Variants in GCNT2 observed in about 807,000 individuals in gnomAD.
GCNT2 encodes glucosaminyl (N-acetyl) transferase 2 (I blood group).
Under a neutral mutation model 34.2 loss-of-function variants are expected in GCNT2, and 34 were observed. That is an observed-to-expected ratio of 1.00 (90% CI 0.76 to 1.32). The LOEUF (loss-of-function observed/expected upper bound fraction) is 1.32, where lower values mean the gene tolerates loss of function less well. Among genes scored for constraint, GCNT2 ranks in the 40% most tolerant of loss-of-function variants. GCNT2 has a pLI of 0.00. For synonymous variants in GCNT2, 212 were observed against 188.0 expected, an observed-to-expected ratio of 1.13 and a Z score of -1.04; for missense variants, 584 against 489.4, an observed-to-expected ratio of 1.19 and a Z score of -1.82.
chr6:10,578,692 T>C (rs144940733), intron 3 of GCNT2, among the ~76,000 whole-genome samples: 1,540 of 152,200 alleles, frequency 0.01, 23 homozygotes, highest in African/African-American at 0.034. Flanking sequence ...GTGATCCGCC[T>C]GCCTTGGCCT....
At chr6:10,571,635 G>T (rs1763560335) in intron 3 of GCNT2, among the ~76,000 whole-genome samples, 1 of 152,164 alleles carries the variant, frequency 6.6e-6, no homozygotes, top group African/African-American at 2.4e-5. Context: ...TTACAGGTGT[G>T]TGCCACCGCA....
intron 3 of GCNT2, among the ~76,000 whole-genome samples, chr6:10,567,600 T>C (rs1763344045): frequency 6.6e-6 from 1 of 152,216 alleles, no homozygotes. Flanking sequence ...GTGTAAGATG[T>C]ATAGCTACTG....
At chr6:10,556,189 C>A in intron 3 of GCNT2, 1 of 1,394,872 alleles carries the variant, frequency 7.2e-7, no homozygotes. Context: ...AGCAACCTGC[C>A]ACGGGGATTT....
intron 3 of GCNT2, among the ~76,000 whole-genome samples, chr6:10,597,634 C>CT (rs1186414108): frequency 1.3e-5 from 2 of 149,790 alleles, no homozygotes; most frequent in Admixed American, 1.3e-4. Context: ...TGTTGTTTTG[C>CT]TTTTTTTGTT....
chr6:10,590,397 CAA>C lies in GCNT2; in HGVS notation c.926-30939_926-30938del, dbSNP rs35949177. Among the ~76,000 whole-genome samples, 1,010 of 112,874 alleles carry C rather than the reference CAA, an allele frequency of 8.9e-3. 8 individuals carry two copies. Among genetic ancestry groups the C allele is most frequent in the African/African-American group, 0.03 (943 of 31,534 alleles). 74.0% of individuals were successfully genotyped at this position (112,874 alleles called of 152,430 possible). On this transcript the variant is annotated intron_variant, in intron 3 of 4. Transcript: ENST00000495262. ...TGGGTGACAGAGTGAGACTCTGTCTCAAAAAAAAAAAAAAAATGCTAGGCTTA... is the reference window on the plus strand; with the variant it reads ...TGGGTGACAGAGTGAGACTCTGTCTCAAAAAAAAAAAAAATGCTAGGCTTA...
At chr6:10,596,375 G>A (rs1407891433) in intron 3 of GCNT2, among the ~76,000 whole-genome samples, 1 of 152,108 alleles carries the variant, frequency 6.6e-6, no homozygotes, top group Non-Finnish European at 1.5e-5. Context: ...ACAAAAAGTA[G>A]CCAGGCGTGG....
At position 10,543,011 on chromosome 6, in the gene GCNT2, G is replaced by A. The variant is rs532875055; in HGVS notation, c.925+13175G>A. Among the ~76,000 whole-genome samples, 16 of 148,892 alleles carry A rather than the reference G, an allele frequency of 1.1e-4. No homozygotes were observed. The East Asian group carries it at 2.4e-3, about 22-fold the overall frequency. ...CAACCTCCACCTCCCGGGTTCAAGC[G>A]ATTCTCCTACCTCAGCCTCCCAAGT... On this transcript the variant is annotated intron_variant, in intron 3 of 4. Transcript: ENST00000495262.
intron 3 of GCNT2, among the ~76,000 whole-genome samples, chr6:10,608,456 G>A (rs1765418706): frequency 2.0e-5 from 3 of 152,156 alleles, no homozygotes; most frequent in African/African-American, 7.2e-5. Flanking sequence ...ACTCCCACTT[G>A]CGGGTTTGAG....
intron 3 of GCNT2, among the ~76,000 whole-genome samples, chr6:10,615,063 T>C (rs1332927920): frequency 6.6e-6 from 1 of 152,138 alleles, no homozygotes; most frequent in Non-Finnish European, 1.5e-5. Context: ...AGGGACCAGA[T>C]TCACTCACAA....
At chr6:10,621,666 G>T in intron 4 of GCNT2, 1 of 521,292 alleles carries the variant, frequency 1.9e-6, no homozygotes, top group Non-Finnish European at 3.5e-6. Context: ...ATGGAAAAAT[G>T]GGTTCAAATC....
intron 3 of GCNT2, among the ~76,000 whole-genome samples, chr6:10,609,988 A>T (rs901640190): frequency 6.6e-5 from 10 of 152,222 alleles, no homozygotes; most frequent in African/African-American, 1.7e-4. Flanking sequence ...TGACAGGATC[A>T]GTGCTGATTA....
In GCNT2 at chr6:10,627,942, A is replaced by C. The variant is rs1440690727; in HGVS notation, c.*1335A>C. 2.0e-5 allele frequency: 3 copies of C among 152,636 alleles called. No homozygotes were observed. Among genetic ancestry groups the C allele is most frequent in the Non-Finnish European group, 4.4e-5 (3 of 68,038 alleles). 9.5% of individuals were successfully genotyped at this position (152,636 alleles called of 1,614,324 possible). A position where few individuals can be genotyped will look rare whatever the true frequency, so the allele number is the denominator to read the frequency against. Reference sequence around the variant, plus strand: ...CATTCTGGTATTCCTTTATGTATCTAATTTCATTCAAACCTCACAACAGTC... The same window carrying C: ...CATTCTGGTATTCCTTTATGTATCTCATTTCATTCAAACCTCACAACAGTC... On this transcript the variant is annotated 3_prime_UTR_variant, in exon 5 of 5. Transcript: ENST00000495262.
intron 3 of GCNT2, among the ~76,000 whole-genome samples, chr6:10,620,088 T>C (rs1049605927): frequency 3.9e-5 from 6 of 152,238 alleles, no homozygotes; most frequent in African/African-American, 1.4e-4. Context: ...TAATCTCCCT[T>C]TGCTGTGTAA....
chr6:10,571,188 A>C (rs1763538966), intron 3 of GCNT2, among the ~76,000 whole-genome samples: 1 of 152,136 alleles, frequency 6.6e-6, no homozygotes, highest in South Asian at 2.1e-4. Flanking sequence ...ATTTCTTATA[A>C]AGCTTAGAAT....
At chr6:10,521,938 C>A (rs968936117) in intron 1 of GCNT2, among the ~76,000 whole-genome samples, 1 of 151,108 alleles carries the variant, frequency 6.6e-6, no homozygotes, top group East Asian at 1.9e-4. Flanking sequence ...CTCACTCTGT[C>A]ACCCAGGCGA....
intron 3 of GCNT2, chr6:10,586,472 T>A: frequency 6.2e-7 from 1 of 1,614,252 alleles, no homozygotes; most frequent in African/African-American, 1.3e-5. Flanking sequence ...CTGTGGTTTA[T>A]GCAGGCATTT....
intron 3 of GCNT2, among the ~76,000 whole-genome samples, chr6:10,553,831 C>T (rs1762579333): frequency 6.6e-6 from 1 of 152,162 alleles, no homozygotes; most frequent in Admixed American, 6.5e-5. Context: ...GAGGTCAAGG[C>T]CGCAGTGAGA....
At chr6:10,623,038 C>T (rs890355094) in intron 4 of GCNT2, among the ~76,000 whole-genome samples, 3 of 151,962 alleles carry the variant, frequency 2.0e-5, no homozygotes, top group Admixed American at 2.0e-4. Flanking sequence ...CAGGCGTGAG[C>T]TACTGCGCCC....
chr6:10,568,043 G>T (rs1014228590), intron 3 of GCNT2, among the ~76,000 whole-genome samples: 1 of 152,114 alleles, frequency 6.6e-6, no homozygotes, highest in Non-Finnish European at 1.5e-5. Flanking sequence ...TTCAGAATTC[G>T]AGAAATGTTT....
Sources: gnomAD v4.1 joint callset for allele counts (sites outside exome capture counted in the v4.1 genomes callset) on GRCh38, gnomAD v4.1.1 for gene constraint, MANE v1.5 for transcripts, NCBI Gene and HGNC (gene_info 2026-07-23, HGNC 2026-07-21) for gene names.